BAIAP2L1: variants seen among roughly 807,000 people sequenced by gnomAD.
BAIAP2L1 encodes the protein BAR/IMD domain-containing adapter protein 2-like 1.
A neutral mutation model predicts 66.3 loss-of-function variants in BAIAP2L1; 35 were observed. That is an observed-to-expected ratio of 0.53 (90% CI 0.40 to 0.70). The LOEUF (loss-of-function observed/expected upper bound fraction) is 0.70, where lower values mean the gene tolerates loss of function less well. BAIAP2L1 is among the 30% of genes least tolerant of loss of function. The pLI, the probability that BAIAP2L1 is intolerant of heterozygous loss-of-function variation, is 0.00. For missense variants in BAIAP2L1, 622 were observed against 656.9 expected, an observed-to-expected ratio of 0.95 and a Z score of 0.58; for synonymous variants, 269 against 248.7, an observed-to-expected ratio of 1.08 and a Z score of -0.77.
Position 98,385,805 on chromosome 7 carries a change from C to T in BAIAP2L1, c.51+14997G>A. 3 of 1,527,076 alleles carry T rather than the reference C, an allele frequency of 2.0e-6. No homozygotes were observed. The Admixed American group carries it at 5.5e-5, about 28-fold the overall frequency. The allele number at this position is 1,527,076 out of a possible 1,614,324, so 94.6% of individuals were successfully genotyped here. ...TTGAAGTCTGAACTTTAAACAGATT[C>T]TTGGACTGGTGGTTCATATCCATCA... On this transcript the variant is annotated intron_variant, in intron 1 of 13. Transcript: ENST00000005260.
At chr7:98,305,047 GTT>G (rs59633894) in intron 11 of BAIAP2L1, among the ~76,000 whole-genome samples, 10 of 100,372 alleles carry the variant, frequency 1.0e-4, no homozygotes, top group African/African-American at 2.1e-4. Flanking sequence ...TTTGTTTTTT[GTT>G]TTTTTTTTTT....
At chr7:98,307,598 G>A in intron 10 of BAIAP2L1, 91 bp downstream of exon 10, 1 of 1,553,736 alleles carries the variant, frequency 6.4e-7, no homozygotes, top group Non-Finnish European at 8.7e-7. Flanking sequence ...GCTAAAATGT[G>A]AGCATGTCCA....
At chr7:98,398,941 ACT>A (rs1221977352) in intron 1 of BAIAP2L1, among the ~76,000 whole-genome samples, 2 of 151,956 alleles carry the variant, frequency 1.3e-5, no homozygotes, top group African/African-American at 4.8e-5. Context: ...TGGACATCAG[ACT>A]CTGCCTCAAA....
chr7:98,306,970 T>A (rs1427636393), intron 10 of BAIAP2L1: 1 of 162,714 alleles, frequency 6.1e-6, no homozygotes, highest in Admixed American at 5.8e-5. Context: ...ACAATCTGTC[T>A]AGAAAACTGA....
intron 12 of BAIAP2L1, among the ~76,000 whole-genome samples, chr7:98,295,072 T>C (rs1429407194): frequency 6.6e-6 from 1 of 152,062 alleles, no homozygotes; most frequent in African/African-American, 2.4e-5. Context: ...CCAGGAAGCG[T>C]CCCAGCACCC....
At chr7:98,299,858 T>C (rs1382811429) in intron 12 of BAIAP2L1, among the ~76,000 whole-genome samples, 1 of 151,904 alleles carries the variant, frequency 6.6e-6, no homozygotes, top group African/African-American at 2.4e-5. Flanking sequence ...CTGGCCAACA[T>C]GGTGAAACCC....
At chr7:98,346,454 C>T (rs993080413) in intron 3 of BAIAP2L1, among the ~76,000 whole-genome samples, 2 of 152,086 alleles carry the variant, frequency 1.3e-5, no homozygotes, top group South Asian at 2.1e-4. Flanking sequence ...TAAATCCACC[C>T]GTAAATTCAA....
intron 3 of BAIAP2L1, among the ~76,000 whole-genome samples, chr7:98,327,427 A>C (rs1801401593): frequency 6.6e-6 from 1 of 151,474 alleles, no homozygotes. Context: ...TAATCCCAGC[A>C]CTTTTGGAGG....
intron 1 of BAIAP2L1, among the ~76,000 whole-genome samples, chr7:98,381,297 G>A (rs1024925636): frequency 6.6e-6 from 1 of 152,182 alleles, no homozygotes; most frequent in Non-Finnish European, 1.5e-5. Flanking sequence ...CTCTCCGTGA[G>A]AATTTCATTA....
Position 98,378,176 on chromosome 7 carries a change from G to A in BAIAP2L1, c.52-15744C>T, listed in dbSNP as rs142288551. On this transcript the variant is annotated intron_variant, in intron 1 of 13. Coordinates refer to ENST00000005260, the MANE Select transcript of BAIAP2L1 (RefSeq NM_018842.5). ...AAAAAACAAAAATAAAAACAAAAAC[G>A]AACAAAAAAAAAAGTACCATACACT... is the stretch of plus-strand genomic sequence containing the variant. Among the ~76,000 whole-genome samples, 716 of 148,362 alleles carry A rather than the reference G, an allele frequency of 4.8e-3. 13 individuals are homozygous for A. Among genetic ancestry groups the A allele is most frequent in the African/African-American group, 0.017 (668 of 40,408 alleles).
Position 98,391,529 on chromosome 7 carries a change from G to A in BAIAP2L1, c.51+9273C>T, listed in dbSNP as rs926280066. Among the ~76,000 whole-genome samples, 9 of 151,890 alleles carry A rather than the reference G, an allele frequency of 5.9e-5. No homozygotes were observed. In the East Asian group the frequency reaches 1.8e-3, roughly 30 times the overall value. Reference sequence around the variant, plus strand: ...CAGAGACCGTCCTGGCTAACAGAGGGAAACCCTGACTCTACTAAAAATACA... The same window carrying A: ...CAGAGACCGTCCTGGCTAACAGAGGAAAACCCTGACTCTACTAAAAATACA... On this transcript the variant is annotated intron_variant, in intron 1 of 13. Coordinates refer to ENST00000005260, the MANE Select transcript of BAIAP2L1 (RefSeq NM_018842.5).
At chr7:98,367,779 C>T (rs6969160) in intron 1 of BAIAP2L1, among the ~76,000 whole-genome samples, 2,989 of 151,918 alleles carry the variant, frequency 0.02, 104 homozygotes, top group African/African-American at 0.069. Flanking sequence ...TGATCCACTG[C>T]GGCCAGCCCA....
At chr7:98,297,294 C>T (rs2116797475) in intron 12 of BAIAP2L1, among the ~76,000 whole-genome samples, 1 of 152,368 alleles carries the variant, frequency 6.6e-6, no homozygotes, top group East Asian at 1.9e-4. Flanking sequence ...CTGTACGGAG[C>T]TTCCAGGGTG....
intron 12 of BAIAP2L1, among the ~76,000 whole-genome samples, chr7:98,300,503 T>C (rs1340497392): frequency 6.6e-6 from 1 of 152,184 alleles, no homozygotes; most frequent in African/African-American, 2.4e-5. Flanking sequence ...CCATGTCTTA[T>C]CAGGAAAGCG....
At chr7:98,320,205 G>T in intron 4 of BAIAP2L1, 32 bp downstream of exon 4, 1 of 1,589,494 alleles carries the variant, frequency 6.3e-7, no homozygotes, top group South Asian at 1.1e-5. Context: ...TGAAATGAGT[G>T]TATTTTGTAA....
intron 9 of BAIAP2L1, chr7:98,308,949 GA>G (rs1179772485): frequency 6.6e-6 from 1 of 151,924 alleles, no homozygotes; most frequent in Non-Finnish European, 1.5e-5. Context: ...AAAGTGCTGG[GA>G]TTACAGGTTT....
intron 8 of BAIAP2L1, 117 bp from the exon 9 acceptor site, chr7:98,310,709 C>CTCTGTCTCAAAAT: frequency 1.9e-6 from 1 of 527,998 alleles, no homozygotes; most frequent in Non-Finnish European, 2.9e-6. Flanking sequence ...TATTTTGAGA[C>CTCTGTCTCAAAAT]AGAGTCTCGC....
intron 7 of BAIAP2L1, 111 bp downstream of exon 7, chr7:98,315,349 G>T: frequency 1.9e-6 from 2 of 1,074,218 alleles, no homozygotes; most frequent in Non-Finnish European, 2.4e-6. Flanking sequence ...GCCCACCTCA[G>T]CCTCCCAAAG....
At chr7:98,313,434 T>C (rs1014188515) in intron 7 of BAIAP2L1, among the ~76,000 whole-genome samples, 4 of 152,038 alleles carry the variant, frequency 2.6e-5, no homozygotes, top group Non-Finnish European at 4.4e-5. Flanking sequence ...GGTGGGGATA[T>C]CACGCAGGAA....
Sources: allele counts gnomAD v4.1 joint callset (sites outside exome capture counted in the v4.1 genomes callset), GRCh38; gene constraint gnomAD v4.1.1; transcripts MANE v1.5; gene names NCBI Gene and HGNC (gene_info 2026-07-23, HGNC 2026-07-21).